The following ADAMTS6 variants were observed in gnomAD, a reference collection of about 807,000 sequenced individuals.
ADAMTS6 encodes the protein A disintegrin and metalloproteinase with thrombospondin motifs 6.
Under a neutral mutation model 144.3 loss-of-function variants are expected in ADAMTS6, and 23 were observed. That is an observed-to-expected ratio of 0.16 (90% CI 0.11 to 0.23). The LOEUF (loss-of-function observed/expected upper bound fraction) is 0.23, where lower values mean the gene tolerates loss of function less well. ADAMTS6 is among the 10% of genes least tolerant of loss of function. The probability of loss-of-function intolerance (pLI) is 1.00; values close to 1 mark genes in which losing one functional copy is unlikely to be tolerated. For synonymous variants in ADAMTS6, 444 were observed against 457.5 expected, an observed-to-expected ratio of 0.97 and a Z score of 0.38; for missense variants, 999 against 1,379.6, an observed-to-expected ratio of 0.72 and a Z score of 4.37.
At chr5:65,408,757 T>C (rs879102819) in intron 7 of ADAMTS6, among the ~76,000 whole-genome samples, 9 of 152,060 alleles carry the variant, frequency 5.9e-5, no homozygotes, top group African/African-American at 9.7e-5. Context: ...AAGTAAAGCA[T>C]TCCTCAGCAA....
At chr5:65,176,624 G>A (rs1753997325) in intron 22 of ADAMTS6, among the ~76,000 whole-genome samples, 1 of 152,068 alleles carries the variant, frequency 6.6e-6, no homozygotes, top group South Asian at 2.1e-4. Flanking sequence ...GCACTAACCT[G>A]CTCTTTAACA....
At chr5:65,426,050 CTT>C (rs765045274) in intron 7 of ADAMTS6, among the ~76,000 whole-genome samples, 7 of 143,520 alleles carry the variant, frequency 4.9e-5, no homozygotes, top group South Asian at 2.2e-4. Context: ...CGCACACAGA[CTT>C]TTTTTTTTTT....
intron 18 of ADAMTS6, among the ~76,000 whole-genome samples, chr5:65,220,754 AAAG>A (rs1009154122): frequency 3.9e-5 from 6 of 152,314 alleles, no homozygotes; most frequent in African/African-American, 1.4e-4. Flanking sequence ...CTCAAAAAAA[AAAG>A]AAGAGTGGGA....
intron 14 of ADAMTS6, among the ~76,000 whole-genome samples, chr5:65,245,879 T>A (rs943299733): frequency 6.6e-6 from 1 of 152,140 alleles, no homozygotes; most frequent in East Asian, 1.9e-4. Context: ...CCAATAAGAT[T>A]TGGCCTGAGA....
chr5:65,458,885 T>C (rs1759429758), intron 4 of ADAMTS6, among the ~76,000 whole-genome samples: 2 of 152,218 alleles, frequency 1.3e-5, no homozygotes, highest in Non-Finnish European at 2.9e-5. Context: ...GTCATCTTAA[T>C]GATAGCTACA....
At chr5:65,212,700 G>A (rs1756626166) in intron 20 of ADAMTS6, among the ~76,000 whole-genome samples, 1 of 152,024 alleles carries the variant, frequency 6.6e-6, no homozygotes, top group African/African-American at 2.4e-5. Context: ...AGACAAGACT[G>A]TATCTAAACC....
chr5:65,164,263 G>C (rs983629620), intron 24 of ADAMTS6, among the ~76,000 whole-genome samples: 14 of 151,886 alleles, frequency 9.2e-5, no homozygotes, highest in Non-Finnish European at 2.1e-4. Flanking sequence ...TCAAAGAAAG[G>C]GGTGATGGAC....
At chr5:65,245,516 C>T (rs999952772) in intron 14 of ADAMTS6, among the ~76,000 whole-genome samples, 4 of 152,132 alleles carry the variant, frequency 2.6e-5, no homozygotes, top group Non-Finnish European at 1.5e-5. Flanking sequence ...AGACTCTCAT[C>T]ATCCATGTAA....
At chr5:65,281,003 A>C (rs1762945912) in intron 11 of ADAMTS6, among the ~76,000 whole-genome samples, 1 of 152,196 alleles carries the variant, frequency 6.6e-6, no homozygotes, top group Non-Finnish European at 1.5e-5. Flanking sequence ...CTTAGGGATC[A>C]TGTAGGGATG....
At chr5:65,258,976 A>T (rs994376091) in intron 14 of ADAMTS6, among the ~76,000 whole-genome samples, 8 of 152,200 alleles carry the variant, frequency 5.3e-5, no homozygotes, top group Non-Finnish European at 5.9e-5. Flanking sequence ...ACCAGATAAG[A>T]TCACCAAAGA....
At chr5:65,428,783 C>T (rs1281280147) in intron 7 of ADAMTS6, among the ~76,000 whole-genome samples, 1 of 152,100 alleles carries the variant, frequency 6.6e-6, no homozygotes, top group African/African-American at 2.4e-5. Flanking sequence ...ATTAAGTCAA[C>T]CCTTGTATGG....
At chr5:65,252,553 T>G (rs1760268192) in intron 14 of ADAMTS6, among the ~76,000 whole-genome samples, 1 of 150,602 alleles carries the variant, frequency 6.6e-6, no homozygotes, top group African/African-American at 2.4e-5. Flanking sequence ...TTTATATATA[T>G]TTTAAATTAT....
chr5:65,448,261 C>A (rs1372950360), intron 7 of ADAMTS6, among the ~76,000 whole-genome samples: 2 of 151,978 alleles, frequency 1.3e-5, no homozygotes, highest in Admixed American at 6.6e-5. Context: ...CTTTGCGGAT[C>A]ACAGTTCGTT....
chr5:65,275,612 TAGA>T (rs1181386051), intron 11 of ADAMTS6, among the ~76,000 whole-genome samples: 3 of 151,896 alleles, frequency 2.0e-5, no homozygotes, highest in African/African-American at 7.2e-5. Flanking sequence ...TCTTTTTCTA[TAGA>T]AGAAGGTTTT....
chr5:65,249,355 C>A (rs1344208318), intron 14 of ADAMTS6, among the ~76,000 whole-genome samples: 2 of 152,174 alleles, frequency 1.3e-5, no homozygotes, highest in Non-Finnish European at 2.9e-5. Context: ...AAAATGCGTA[C>A]AACTTCCTAA....
At chr5:65,461,157 T>C (rs888543086) in intron 3 of ADAMTS6, among the ~76,000 whole-genome samples, 25 of 152,284 alleles carry the variant, frequency 1.6e-4, no homozygotes, top group African/African-American at 6.0e-4. Flanking sequence ...CAGTTATCTC[T>C]CCTCTTTAAA....
rs767230249 is a variant in ADAMTS6 at position 65,291,379 on chromosome 5, C to T, written c.1462G>A (p.Glu488Lys). ...GCTCCATACTGGAAACGACATTGCTCATCAGCATCATACACCTGACCTGGG... is the reference window on the plus strand; with the variant it reads ...GCTCCATACTGGAAACGACATTGCTTATCAGCATCATACACCTGACCTGGG... Reference protein sequence around the residue: ...VAPGQVYDADEQCRFQYGATS... With the variant: ...VAPGQVYDADKQCRFQYGATS... The change falls in exon 11 of 25, where the codon GAG (glutamate) becomes AAG (lysine). Residue 488 changes from glutamate (E) to lysine (K), a missense_variant. Glu to Lys is a moderately conservative substitution (Grantham distance 56). Coordinates refer to ENST00000381055, the MANE Select transcript of ADAMTS6 (RefSeq NM_197941.4). The T allele has an allele frequency of 6.2e-6, 10 of 1,613,910 alleles. No homozygotes were observed. Among genetic ancestry groups the T allele is most frequent in the Non-Finnish European group, 7.6e-6 (9 of 1,179,964 alleles).
At chr5:65,358,791 CAATAAATGGTGCTGGA>C (rs1374012579) in intron 7 of ADAMTS6, among the ~76,000 whole-genome samples, 1 of 151,930 alleles carries the variant, frequency 6.6e-6, no homozygotes, top group Non-Finnish European at 1.5e-5. Flanking sequence ...ACAGTTTCTT[CAATAAATGGTGCTGGA>C]AAAGTGGACA....
chr5:65,433,462 T>C (rs16893818), intron 7 of ADAMTS6, among the ~76,000 whole-genome samples: 5,944 of 152,246 alleles, frequency 0.039, 413 homozygotes, highest in African/African-American at 0.14. Context: ...ATGCAGCATA[T>C]CTATTGAATA....
Sources: allele counts gnomAD v4.1 joint callset (sites outside exome capture counted in the v4.1 genomes callset), GRCh38; gene constraint gnomAD v4.1.1; transcripts MANE v1.5; gene names NCBI Gene and HGNC (gene_info 2026-07-23, HGNC 2026-07-21).